ASTL: variants seen among roughly 807,000 people sequenced by gnomAD.
ASTL encodes the protein astacin-like metalloendopeptidase.
ASTL carries 27 observed loss-of-function variants against 36.7 expected under a neutral mutation model. That is an observed-to-expected ratio of 0.73 (90% CI 0.54 to 1.01). The LOEUF (loss-of-function observed/expected upper bound fraction) is 1.01. ASTL is among the 50% of genes least tolerant of loss of function. The pLI is 0.00. For missense variants in ASTL, 524 were observed against 572.8 expected (o/e 0.91, Z 0.87); for synonymous variants, 222 against 228.1 (o/e 0.97, Z 0.24).
chr2:96,133,806 C>T, intron 4 of ASTL, 159 bp downstream of exon 4: 2 of 674,372 alleles, frequency 3.0e-6, no homozygotes, highest in Non-Finnish European at 5.4e-6. Context: ...CCTCCCTACT[C>T]AGGAGACCTT....
At position 96,129,959 on chromosome 2, in the gene ASTL, C is replaced by T. The variant is rs1682137538; in HGVS notation, c.739G>A (p.Gly247Arg). Reference protein sequence around the residue: ...HYGRLAFSRRGLPTITPLWAP... With the variant: ...HYGRLAFSRRRLPTITPLWAP... ...CAAAGTGGTGTGATGGTGGGCAGCC[C>T]ACGCCGGCTGAAGGCGAGCCTGGAA... is the stretch of plus-strand genomic sequence containing the variant. The change falls in exon 8 of 9, where the codon GGG becomes AGG. Residue 247 changes from glycine (G) to arginine (R), a missense_variant. Coordinates refer to ENST00000342380, the MANE Select transcript of ASTL (RefSeq NM_001002036.4). 1 of 1,603,884 alleles carries T rather than the reference C, an allele frequency of 6.2e-7. No individual in the cohort carries two copies. The highest frequency in any genetic ancestry group is 1.3e-5 in the African/African-American group (1 of 74,812).
At position 96,135,425 on chromosome 2, in the gene ASTL, G is replaced by T; in HGVS notation, c.182-13C>A. Reference sequence around the variant, plus strand: ...TCCAGGATGAGCCCTGGGAAAGGAAGAAGGACGTGTTGGCCCATGTCCCCC... The same window carrying T: ...TCCAGGATGAGCCCTGGGAAAGGAATAAGGACGTGTTGGCCCATGTCCCCC... On this transcript the variant is annotated splice_polypyrimidine_tract_variant and intron_variant, in intron 2 of 8. Coordinates refer to ENST00000342380, the MANE Select transcript of ASTL (RefSeq NM_001002036.4). 1 of 1,613,840 alleles carries T rather than the reference G, an allele frequency of 6.2e-7. No homozygotes were observed. Among genetic ancestry groups the T allele is most frequent in the Non-Finnish European group, 8.5e-7 (1 of 1,179,850 alleles).
In ASTL at chr2:96,124,165, A is replaced by G. The variant is rs368282420; in HGVS notation, c.981T>C (p.Gly327=). The change falls in exon 9 of 9, where the codon GGT becomes GGC. Residue 327 remains glycine, a synonymous_variant. Coordinates refer to ENST00000342380, the MANE Select transcript of ASTL (RefSeq NM_001002036.4). This position sits in a 1 kb window ranked among gnomAD's most constrained non-coding sequence, Gnocchi z 4.1. ...SAESRSPDPS[G]SSAGGQPVPA... ...GAACGGGCTGGCCTCCCGCACTGGAACCACTGGGGTCGGGGCTCCTGGATT... is the reference window on the plus strand; with the variant it reads ...GAACGGGCTGGCCTCCCGCACTGGAGCCACTGGGGTCGGGGCTCCTGGATT... 2.5e-5 allele frequency: 38 copies of G among 1,550,578 alleles called. 1 individual carries two copies. Among genetic ancestry groups the G allele is most frequent in the Non-Finnish European group, 4.3e-6 (5 of 1,149,464 alleles).
chr2:96,133,507 C>T lies in ASTL; in HGVS notation c.373G>A (p.Ala125Thr). The T allele has an allele frequency of 6.2e-7, 1 of 1,614,174 alleles. No individual in the cohort carries two copies. Among genetic ancestry groups the T allele is most frequent in the Non-Finnish European group, 8.5e-7 (1 of 1,180,018 alleles). ...PSRQVILEAL[A>T]EFERSTCIRF... ...ATGCACGTGGAACGTTCAAACTCCG[C>T]AAGAGCCTCCAGGATGACCTGGCGG... Residue 125 changes from alanine to threonine, a missense_variant, in exon 5 of 9, where the codon GCG becomes ACG. By Grantham distance (58) the Ala-to-Thr change is moderately conservative. Transcript: ENST00000342380.
intron 2 of ASTL, among the ~76,000 whole-genome samples, 163 bp downstream of exon 2, chr2:96,137,412 C>A (rs1682323549): frequency 6.6e-6 from 1 of 152,134 alleles, no homozygotes; most frequent in South Asian, 2.1e-4. Context: ...CAAGACCAGC[C>A]GGGGCAATAT....
chr2:96,137,983 C>T (rs74607502), intron 1 of ASTL, among the ~76,000 whole-genome samples: 3,662 of 152,290 alleles, frequency 0.024, 146 homozygotes, highest in African/African-American at 0.084. Context: ...GGAGGCAGGA[C>T]AGACCTCGGG....
At chr2:96,127,185 G>A (rs1573910437) in intron 8 of ASTL, among the ~76,000 whole-genome samples, 1 of 152,204 alleles carries the variant, frequency 6.6e-6, no homozygotes, top group Admixed American at 6.5e-5. Flanking sequence ...AGGCAAATCC[G>A]GAGAGGCAAA....
chr2:96,124,551 C>G lies in ASTL; in HGVS notation c.875-280G>C, dbSNP rs969133206. On this transcript the variant is annotated intron_variant, in intron 8 of 8. Coordinates refer to ENST00000342380, the MANE Select transcript of ASTL (RefSeq NM_001002036.4). This position sits in a 1 kb window ranked among gnomAD's most constrained non-coding sequence, Gnocchi z 4.1. ...CGAGACTGCTGGGACACTTAAGTCA[C>G]CTGACCCAGCACCAAAGCGCCCACC... 6.6e-6 allele frequency among the ~76,000 whole-genome samples: 1 copy of G among 152,150 alleles called. No homozygotes were observed. The highest frequency in any genetic ancestry group is 6.5e-5 in the Admixed American group (1 of 15,282).
At position 96,123,222 on chromosome 2, in the gene ASTL, C is replaced by T. The variant is rs919881073; in HGVS notation, c.*628G>A. Among the ~76,000 whole-genome samples, 5 of 152,248 alleles carry T rather than the reference C, an allele frequency of 3.3e-5. No homozygotes were observed. Among genetic ancestry groups the T allele is most frequent in the African/African-American group, 1.2e-4 (5 of 41,466 alleles). The stretch of plus-strand genomic sequence containing the variant: ...CTGTTCAGGGGCCAGCTGAGGTTCC[C>T]ATTGTGCAATCTGGTGGGGCCCCAC... On this transcript the variant is annotated 3_prime_UTR_variant, in exon 9 of 9. Coordinates refer to ENST00000342380, the MANE Select transcript of ASTL (RefSeq NM_001002036.4).
At position 96,131,943 on chromosome 2, in the gene ASTL, G is replaced by A. The variant is rs80341454; in HGVS notation, c.637+597C>T. 2.2e-4 allele frequency among the ~76,000 whole-genome samples: 34 copies of A among 152,174 alleles called. No individual in the cohort carries two copies. The East Asian group carries it at 5.0e-3, about 22-fold the overall frequency. Reference sequence around the variant, plus strand: ...CCATCACCAGGATCTGATCCCCGGCGCCACACAGCCGCTGCCAGCACAGGA... The same window carrying A: ...CCATCACCAGGATCTGATCCCCGGCACCACACAGCCGCTGCCAGCACAGGA... On this transcript the variant is annotated intron_variant, in intron 6 of 8. Transcript: ENST00000342380.
chr2:96,123,833 G>T lies in ASTL; in HGVS notation c.*17C>A. 1.2e-6 allele frequency: 2 copies of T among 1,604,316 alleles called. No individual in the cohort carries two copies. The highest frequency in any genetic ancestry group is 1.1e-5 in the South Asian group (1 of 89,750). On this transcript the variant is annotated 3_prime_UTR_variant, in exon 9 of 9. Coordinates refer to ENST00000342380, the MANE Select transcript of ASTL (RefSeq NM_001002036.4). ...GGCAGAGGATGCCCTCCCTACTTGG[G>T]GACAGAAGCCACAGGCTTAATCTTC...
chr2:96,125,474 C>A (rs1487425833), intron 8 of ASTL, among the ~76,000 whole-genome samples: 1 of 152,142 alleles, frequency 6.6e-6, no homozygotes, highest in Non-Finnish European at 1.5e-5. Context: ...CAGCCTTTTT[C>A]CAAACATTCT....
chr2:96,126,115 C>T (rs1558713541), intron 8 of ASTL, among the ~76,000 whole-genome samples: 1 of 152,086 alleles, frequency 6.6e-6, no homozygotes, highest in Non-Finnish European at 1.5e-5. Flanking sequence ...TCCATGACCT[C>T]GGGTTAGGCA....
In ASTL at chr2:96,132,113, G is replaced by A. The variant is rs1573913904; in HGVS notation, c.637+427C>T. Among the ~76,000 whole-genome samples, 1 of 152,212 alleles carries A rather than the reference G, an allele frequency of 6.6e-6. No individual in the cohort carries two copies. The highest frequency in any genetic ancestry group is 6.5e-5 in the Admixed American group (1 of 15,284). On this transcript the variant is annotated intron_variant, in intron 6 of 8. Coordinates refer to ENST00000342380, the MANE Select transcript of ASTL (RefSeq NM_001002036.4). This position sits in a 1 kb window ranked among gnomAD's most constrained non-coding sequence, Gnocchi z 5.4. ...GCCCAGCACTTGGCTTGTGCAGCCT[G>A]CTACCTTGGGGTCCCACTTTGGCTC...
At chr2:96,130,357 C>T (rs781722236) in intron 6 of ASTL, among the ~76,000 whole-genome samples, 2 of 152,102 alleles carry the variant, frequency 1.3e-5, no homozygotes, top group Non-Finnish European at 2.9e-5. Context: ...GGCACAGGGA[C>T]CCCATGGCTG....
chr2:96,137,187 G>T (rs1180443032), intron 2 of ASTL, among the ~76,000 whole-genome samples: 1 of 152,114 alleles, frequency 6.6e-6, no homozygotes, highest in Non-Finnish European at 1.5e-5. Context: ...TCCTGCACAG[G>T]GTGGCTGACA....
intron 3 of ASTL, among the ~76,000 whole-genome samples, chr2:96,134,447 G>A (rs574868938): frequency 6.6e-6 from 1 of 152,258 alleles, no homozygotes; most frequent in African/African-American, 2.4e-5. Flanking sequence ...CCTGAACATG[G>A]GACGATCATG....
chr2:96,132,751 G>A lies in ASTL; in HGVS notation c.456-30C>T. Reference sequence around the variant, plus strand: ...AGGGTGATGAGAGCAAGTGGGGTAAGTGCCAGCCCAGATCCCTCCGGACAT... The same window carrying A: ...AGGGTGATGAGAGCAAGTGGGGTAAATGCCAGCCCAGATCCCTCCGGACAT... On this transcript the variant is annotated intron_variant, in intron 5 of 8. Coordinates refer to ENST00000342380, the MANE Select transcript of ASTL (RefSeq NM_001002036.4). This position sits in a 1 kb window ranked among gnomAD's most constrained non-coding sequence, Gnocchi z 5.4. 6.3e-7 allele frequency: 1 copy of A among 1,588,938 alleles called. No individual in the cohort carries two copies. Among genetic ancestry groups the A allele is most frequent in the Non-Finnish European group, 8.6e-7 (1 of 1,161,548 alleles).
rs72935897 is a variant in ASTL at position 96,129,900 on chromosome 2, G to T, written c.798C>A (p.Asn266Lys). Reference protein sequence around the residue: ...APSVHIGQRWNLSASDITRVL... With the variant: ...APSVHIGQRWKLSASDITRVL... ...CCCGGGTGATGTCCGAGGCACTCAG[G>T]TTCCATCGCTGGCCGATGTGGACAC... The change falls in exon 8 of 9, where the codon AAC becomes AAA. Residue 266 changes from asparagine (N) to lysine (K), a missense_variant. Transcript: ENST00000342380. The T allele has an allele frequency of 4.4e-4, 703 of 1,606,008 alleles. 4 individuals are homozygous for T. In the African/African-American group the frequency reaches 8.5e-3, roughly 19 times the overall value.
Sources: allele counts gnomAD v4.1 joint callset (sites outside exome capture counted in the v4.1 genomes callset), GRCh38; gene constraint gnomAD v4.1.1; non-coding constraint Gnocchi (gnomAD v3.1); transcripts MANE v1.5; gene names NCBI Gene and HGNC (gene_info 2026-07-23, HGNC 2026-07-21).